The following CDK13 variants were observed in gnomAD, a reference collection of about 807,000 sequenced individuals.
The protein encoded by CDK13 is cyclin dependent kinase 13.
Under a neutral mutation model 137.6 loss-of-function variants are expected in CDK13, and 40 were observed. The ratio of observed to expected loss-of-function variants is 0.29; its 90% CI spans 0.23 to 0.38. CDK13 has a LOEUF of 0.38. Ranked by LOEUF, CDK13 falls within the 10% of genes least tolerant of loss-of-function variation. The probability of loss-of-function intolerance (pLI) is 1.00; values close to 1 mark genes in which losing one functional copy is unlikely to be tolerated. For synonymous variants in CDK13, 869 were observed against 760.1 expected, an observed-to-expected ratio of 1.14 and a Z score of -2.36; for missense variants, 1,704 against 1,951.8, an observed-to-expected ratio of 0.87 and a Z score of 2.39.
At chr7:40,014,920 C>T (rs1416099096) in intron 5 of CDK13, among the ~76,000 whole-genome samples, 1 of 152,004 alleles carries the variant, frequency 6.6e-6, no homozygotes, top group Non-Finnish European at 1.5e-5. Context: ...GGTTTTCTGG[C>T]TCTCAGTGTT....
intron 5 of CDK13, among the ~76,000 whole-genome samples, chr7:40,015,972 A>G (rs1784997594): frequency 6.6e-6 from 1 of 152,226 alleles, no homozygotes. Context: ...GGTACAGGTT[A>G]GAAATGGAGG....
chr7:39,951,682 C>T lies in CDK13; in HGVS notation c.1041C>T (p.Gly347=), dbSNP rs1283383331. The change falls in exon 1 of 14, where the codon GGC becomes GGT. Residue 347 remains glycine, a synonymous_variant. Coordinates refer to ENST00000181839, the MANE Select transcript of CDK13 (RefSeq NM_003718.5). ...SRKSPSPAGG[G]SSPYSRRLPR... is the part of the protein sequence containing the mutation. ...AGTCCCCCAGCCCGGCAGGAGGTGG[C>T]AGCAGCCCCTATTCTCGGCGGCTGC... 72 of 1,464,896 alleles carry T rather than the reference C, an allele frequency of 4.9e-5. No individual in the cohort carries two copies. Among genetic ancestry groups the T allele is most frequent in the Non-Finnish European group, 5.9e-5 (66 of 1,114,570 alleles). 90.7% of individuals were successfully genotyped at this position (1,464,896 alleles called of 1,614,324 possible).
At position 40,088,169 on chromosome 7, in the gene CDK13, C is replaced by A; in HGVS notation, c.3073C>A (p.Arg1025=). 1 of 1,613,236 alleles carries A rather than the reference C, an allele frequency of 6.2e-7. No homozygotes were observed. Among genetic ancestry groups the A allele is most frequent in the Non-Finnish European group, 8.5e-7 (1 of 1,179,868 alleles). The change falls in exon 12 of 14, where the codon CGA becomes AGA. Residue 1025 remains arginine (R), a synonymous_variant. Transcript: ENST00000181839. ...QDCHELWSKK[R]RRQKQMGMTD... is the part of the protein sequence containing the mutation. ...TTGTCATGAGTTATGGAGTAAAAAG[C>A]GAAGAAGACAGAAGCAGATGGGCAT...
intron 5 of CDK13, among the ~76,000 whole-genome samples, chr7:40,005,160 C>T (rs183737427): frequency 1.3e-3 from 173 of 133,832 alleles, no homozygotes; most frequent in East Asian, 1.7e-3. Context: ...AGTGACAGAG[C>T]GAGACTCTTG....
rs370048161 is a variant in CDK13 at position 39,988,266 on chromosome 7, C to G, written c.1871+8C>G. The G allele has an allele frequency of 1.9e-6, 3 of 1,579,008 alleles. No individual in the cohort carries two copies. The African/African-American group carries it at 4.1e-5, about 22-fold the overall frequency. On this transcript the variant is annotated splice_region_variant and intron_variant, in intron 2 of 13. Coordinates refer to ENST00000181839, the MANE Select transcript of CDK13 (RefSeq NM_003718.5). ...AGATAAAGAAGCTGATAGGTAAGTG[C>G]AAAAAGTATTTGTCAATAACTGTTC...
intron 5 of CDK13, among the ~76,000 whole-genome samples, chr7:40,036,656 C>A (rs1412465976): frequency 6.6e-6 from 1 of 151,560 alleles, no homozygotes; most frequent in African/African-American, 2.4e-5. Flanking sequence ...CCATCTTTCA[C>A]TTTTATAGTT....
Position 39,987,740 on chromosome 7 carries a change from T to C in CDK13, c.1353T>C (p.Ala451=), listed in dbSNP as rs2116263781. ...TAACTCTGAAGAGTAGCCTGGCAGC[T>C]GAATTGAACAAGAATAAAAAAGCAC... ...STLTLKSSLA[A]ELNKNKKARA... is the part of the protein sequence containing the mutation. Residue 451 remains alanine, a synonymous_variant, in exon 2 of 14, where the codon GCT becomes GCC. Transcript: ENST00000181839. 1 of 1,614,078 alleles carries C rather than the reference T, an allele frequency of 6.2e-7. No individual in the cohort carries two copies. Among genetic ancestry groups the C allele is most frequent in the Non-Finnish European group, 8.5e-7 (1 of 1,180,020 alleles).
chr7:39,961,474 CTT>C (rs761120036), intron 1 of CDK13, among the ~76,000 whole-genome samples: 17 of 152,254 alleles, frequency 1.1e-4, no homozygotes, highest in South Asian at 4.1e-4. Flanking sequence ...AACTTTGTGT[CTT>C]TTGATCAACA....
At chr7:40,032,296 C>T (rs113408785) in intron 5 of CDK13, among the ~76,000 whole-genome samples, 3,348 of 152,242 alleles carry the variant, frequency 0.022, 112 homozygotes, top group African/African-American at 0.077. Context: ...GTTTCGAACT[C>T]CTGGGTTCAA....
rs554075400 is a variant in CDK13 at position 39,979,698 on chromosome 7, T to TA, written c.1212-7900dup. ...TTTTCAATCTCTGACTGTTACACCT[T>TA]ACATTTTAAGAGGAACTTCGTAGAT... is the stretch of plus-strand genomic sequence containing the variant. On this transcript the variant is annotated intron_variant, in intron 1 of 13. Coordinates refer to ENST00000181839, the MANE Select transcript of CDK13 (RefSeq NM_003718.5). Among the ~76,000 whole-genome samples, 27 of 152,292 alleles carry TA rather than the reference T, an allele frequency of 1.8e-4. 2 individuals are homozygous for TA. The South Asian group carries it at 5.0e-3, about 28-fold the overall frequency.
chr7:39,984,868 G>A (rs979275314), intron 1 of CDK13: 1 of 152,158 alleles, frequency 6.6e-6, no homozygotes, highest in Non-Finnish European at 1.5e-5. Flanking sequence ...TCAGCTATCA[G>A]GAGGCTGAGG....
At chr7:40,055,714 G>T (rs558567748) in intron 7 of CDK13, among the ~76,000 whole-genome samples, 1 of 151,910 alleles carries the variant, frequency 6.6e-6, no homozygotes, top group Non-Finnish European at 1.5e-5. Context: ...CAGCAGCTGG[G>T]ATTACAGGCA....
intron 5 of CDK13, among the ~76,000 whole-genome samples, chr7:40,008,302 C>G (rs369663534): frequency 6.6e-6 from 1 of 152,204 alleles, no homozygotes; most frequent in East Asian, 1.9e-4. Flanking sequence ...TCTGTAGCTA[C>G]GTGTAGCTAC....
rs2116264298 is a variant in CDK13 at position 39,987,781 on chromosome 7, C to A, written c.1394C>A (p.Ala465Glu). The change falls in exon 2 of 14, where the codon GCA (alanine) becomes GAA (glutamate). Residue 465 changes from alanine to glutamate, a missense_variant. By Grantham distance (107) the Ala-to-Glu change is moderately radical (BLOSUM62 -1). Transcript: ENST00000181839. ...AAAAAAGCACGAGCAGCAGAGGCAG[C>A]AAGAGCCGCAGAAGCAGCGAAAGCT... ...KNKKARAAEA[A>E]RAAEAAKAAE... The A allele has an allele frequency of 6.2e-7, 1 of 1,614,008 alleles. No individual in the cohort carries two copies. The highest frequency in any genetic ancestry group is 2.2e-5 in the East Asian group (1 of 44,882).
At chr7:40,046,202 A>G (rs367906161) in intron 6 of CDK13, among the ~76,000 whole-genome samples, 177 bp downstream of exon 6, 7 of 152,276 alleles carry the variant, frequency 4.6e-5, no homozygotes, top group African/African-American at 1.4e-4. Flanking sequence ...CCTAACCCCT[A>G]CTATTACACT....
rs538477637 is a variant in CDK13 at position 39,951,691 on chromosome 7, C to T, written c.1050C>T (p.Pro350=). 4.1e-6 allele frequency: 6 copies of T among 1,462,908 alleles called. No homozygotes were observed. The South Asian group carries it at 4.2e-5, about 10-fold the overall frequency. The allele number at this position is 1,462,908 out of a possible 1,614,324, so 90.6% of individuals were successfully genotyped here. The change falls in exon 1 of 14, where the codon CCC becomes CCT. Residue 350 remains proline, a synonymous_variant. Transcript: ENST00000181839. ...GCCCGGCAGGAGGTGGCAGCAGCCC[C>T]TATTCTCGGCGGCTGCCGCGCTCCC... ...SPSPAGGGSS[P]YSRRLPRSPS... is the part of the protein sequence containing the mutation.
At chr7:40,060,314 T>C (rs1786113877) in intron 7 of CDK13, among the ~76,000 whole-genome samples, 1 of 152,228 alleles carries the variant, frequency 6.6e-6, no homozygotes, top group Non-Finnish European at 1.5e-5. Flanking sequence ...AAATAAAAAT[T>C]AACTATTTGT....
chr7:40,078,045 G>A lies in CDK13; in HGVS notation c.2821G>A (p.Val941Ile). 1.9e-6 allele frequency: 3 copies of A among 1,597,350 alleles called. No individual in the cohort carries two copies. The highest frequency in any genetic ancestry group is 1.7e-6 in the Non-Finnish European group (2 of 1,173,966). The change falls in exon 10 of 14, where the codon GTA (valine) becomes ATA (isoleucine). Residue 941 changes from valine (V) to isoleucine (I), a missense_variant. Transcript: ENST00000181839. Reference protein sequence around the residue: ...GSPCPAVWPDVIKLPYFNTMK... With the variant: ...GSPCPAVWPDIIKLPYFNTMK... Reference sequence around the variant, plus strand: ...TCCATGTCCTGCAGTGTGGCCTGATGTAATCAAACTACCATATTTCAACAC... The same window carrying A: ...TCCATGTCCTGCAGTGTGGCCTGATATAATCAAACTACCATATTTCAACAC...
At chr7:40,069,356 G>C (rs1049804917) in intron 9 of CDK13, 7 of 455,386 alleles carry the variant, frequency 1.5e-5, no homozygotes, top group African/African-American at 1.2e-4. Context: ...ACTATAATGA[G>C]GCAACGGAGT....
Sources: gnomAD v4.1 joint callset for allele counts (sites outside exome capture counted in the v4.1 genomes callset) on GRCh38, gnomAD v4.1.1 for gene constraint, MANE v1.5 for transcripts, NCBI Gene and HGNC (gene_info 2026-07-23, HGNC 2026-07-21) for gene names.